The following GRM1 variants were observed in gnomAD, a reference collection of about 807,000 sequenced individuals.
GRM1 encodes glutamate metabotropic receptor 1, also known as metabotropic glutamate receptor 1.
GRM1 carries 33 observed loss-of-function variants against 90.9 expected under a neutral mutation model. That is an observed-to-expected ratio of 0.36 (90% confidence interval 0.28 to 0.49). GRM1 has a LOEUF of 0.49. Among genes scored for constraint, GRM1 ranks in the 20% least tolerant of loss-of-function variants. The pLI, the probability that GRM1 is intolerant of heterozygous loss-of-function variation, is 0.99. For synonymous variants in GRM1, 700 were observed against 613.2 expected (o/e 1.14, Z -2.09); for missense variants, 1,190 against 1,534.3 (o/e 0.78, Z 3.75).
At chr6:146,136,721 T>C (rs1776634207) in intron 1 of GRM1, among the ~76,000 whole-genome samples, 1 of 152,154 alleles carries the variant, frequency 6.6e-6, no homozygotes, top group Non-Finnish European at 1.5e-5. Flanking sequence ...GATAAAGAAA[T>C]TCAGTAAAGT....
intron 3 of GRM1, among the ~76,000 whole-genome samples, chr6:146,335,007 T>C (rs1045297587): frequency 1.3e-5 from 2 of 152,154 alleles, no homozygotes; most frequent in African/African-American, 2.4e-5. Flanking sequence ...TGAGAAAAAA[T>C]TATCCATTAT....
At chr6:146,065,707 A>G (rs1197591989) in intron 1 of GRM1, among the ~76,000 whole-genome samples, 1 of 152,242 alleles carries the variant, frequency 6.6e-6, no homozygotes, top group African/African-American at 2.4e-5. Flanking sequence ...AGATTTTCAA[A>G]GTAAAAGAAG....
upstream of GRM1, chr6:146,027,880 C>T (rs1019436336): frequency 6.6e-6 from 1 of 152,548 alleles, no homozygotes; most frequent in Admixed American, 6.5e-5. Context: ...AGACAAAGTC[C>T]CAGTCTATCA....
chr6:146,248,300 T>C (rs1397060399), intron 2 of GRM1, among the ~76,000 whole-genome samples: 2 of 152,168 alleles, frequency 1.3e-5, no homozygotes, highest in South Asian at 2.1e-4. Context: ...GATAGGTGGA[T>C]TGGATTGTGA....
chr6:146,044,924 C>G (rs1436970983), intron 1 of GRM1, among the ~76,000 whole-genome samples: 2 of 151,872 alleles, frequency 1.3e-5, no homozygotes, highest in African/African-American at 2.4e-5. Context: ...TACAAATCAC[C>G]TGGGGAGCTT....
At chr6:146,285,267 G>A (rs1031797910) in intron 2 of GRM1, among the ~76,000 whole-genome samples, 7 of 152,094 alleles carry the variant, frequency 4.6e-5, no homozygotes, top group Non-Finnish European at 2.9e-5. Flanking sequence ...TAACATCACT[G>A]CTATCCACCT....
chr6:146,153,631 G>C (rs1247252033), intron 1 of GRM1, among the ~76,000 whole-genome samples: 1 of 152,176 alleles, frequency 6.6e-6, no homozygotes, highest in Non-Finnish European at 1.5e-5. Flanking sequence ...ACTAGGGCCT[G>C]TCATGGGAAG....
rs1324277052 is a variant in GRM1 at position 146,396,093 on chromosome 6, T to TATCTATCTATCTATCTATCTATC, written c.1730-2665_1730-2664insTATCTATCTATCATCTATCTATC. On this transcript the variant is annotated intron_variant, in intron 6 of 7. Coordinates refer to ENST00000282753, the MANE Select transcript of GRM1 (RefSeq NM_001278064.2). Reference sequence around the variant, plus strand: ...TCATCTATCTATCTATCTATCTATCTATCTATCTATCGTCTATATATATAT... The same window carrying TATCTATCTATCTATCTATCTATC: ...TCATCTATCTATCTATCTATCTATCTATCTATCTATCTATCTATCTATCATCTATCTATCGTCTATATATATAT... Among the ~76,000 whole-genome samples, 914 of 152,018 alleles carry TATCTATCTATCTATCTATCTATC rather than the reference T, an allele frequency of 6.0e-3. 8 individuals carry two copies. Among genetic ancestry groups the TATCTATCTATCTATCTATCTATC allele is most frequent in the African/African-American group, 0.02 (822 of 41,436 alleles).
At chr6:146,304,581 T>C (rs1294749358) in intron 2 of GRM1, 30 bp from the exon 3 acceptor site, 3 of 1,422,168 alleles carry the variant, frequency 2.1e-6, no homozygotes, top group Non-Finnish European at 3.0e-6. Context: ...TGTCTTTCTC[T>C]CTCCCTACCC....
intron 1 of GRM1, among the ~76,000 whole-genome samples, chr6:146,054,015 AAC>A (rs1775392729): frequency 6.6e-6 from 1 of 152,116 alleles, no homozygotes; most frequent in Non-Finnish European, 1.5e-5. Flanking sequence ...AATTAAATCC[AAC>A]AGTTATTGAC....
intron 7 of GRM1, among the ~76,000 whole-genome samples, chr6:146,422,066 G>A (rs1778015864): frequency 6.6e-6 from 1 of 152,110 alleles, no homozygotes; most frequent in South Asian, 2.1e-4. Flanking sequence ...GACAGCTGCT[G>A]CATTATTATT....
chr6:146,213,497 A>G (rs1779749998), intron 2 of GRM1, among the ~76,000 whole-genome samples: 1 of 152,166 alleles, frequency 6.6e-6, no homozygotes, highest in Non-Finnish European at 1.5e-5. Context: ...AAGGTAATGG[A>G]TGTTTCAATT....
chr6:146,252,801 T>A (rs1781343742), intron 2 of GRM1, among the ~76,000 whole-genome samples: 1 of 151,770 alleles, frequency 6.6e-6, no homozygotes, highest in Non-Finnish European at 1.5e-5. Flanking sequence ...GTGGCTCACA[T>A]CTGTAATCCC....
chr6:146,342,707 G>A (rs937893395), intron 3 of GRM1, among the ~76,000 whole-genome samples: 1 of 152,192 alleles, frequency 6.6e-6, no homozygotes, highest in Non-Finnish European at 1.5e-5. Context: ...CTATCACAGA[G>A]CAAACCTTTA....
At chr6:146,125,267 A>G (rs1776153605) in intron 1 of GRM1, among the ~76,000 whole-genome samples, 1 of 152,190 alleles carries the variant, frequency 6.6e-6, no homozygotes, top group South Asian at 2.1e-4. Flanking sequence ...CAACTGTAAC[A>G]ATTAAACATA....
intron 2 of GRM1, among the ~76,000 whole-genome samples, chr6:146,217,869 T>C (rs574904184): frequency 1.3e-5 from 2 of 152,286 alleles, no homozygotes; most frequent in African/African-American, 2.4e-5. Flanking sequence ...GAGGCTTATC[T>C]TGAAGGAAGA....
chr6:146,054,946 G>C (rs868063212), intron 1 of GRM1, among the ~76,000 whole-genome samples: 52 of 152,030 alleles, frequency 3.4e-4, no homozygotes, highest in Middle Eastern at 6.8e-3. Context: ...GCAAGTGATG[G>C]GTGCGGGTAA....
At chr6:146,293,282 A>C (rs1783057076) in intron 2 of GRM1, among the ~76,000 whole-genome samples, 1 of 152,038 alleles carries the variant, frequency 6.6e-6, no homozygotes, top group South Asian at 2.1e-4. Context: ...ATTTCACCTT[A>C]AGTTTTAAAA....
In GRM1 at chr6:146,374,476, A is replaced by G. The variant is rs1162817497; in HGVS notation, c.1603-12414A>G. Among the ~76,000 whole-genome samples the G allele has an allele frequency of 3.3e-5, 5 of 152,182 alleles. No homozygotes were observed. In the East Asian group the frequency reaches 9.6e-4, roughly 29 times the overall value. On this transcript the variant is annotated intron_variant, in intron 5 of 7. Transcript: ENST00000282753. ...TTTCTTTAAATGCTTGATAGAAATC[A>G]GCAGAGAAGCAAACAGGTCCCTGGC... is the stretch of plus-strand genomic sequence containing the variant.
Sources: gnomAD v4.1 joint callset for allele counts (sites outside exome capture counted in the v4.1 genomes callset) on GRCh38, gnomAD v4.1.1 for gene constraint, MANE v1.5 for transcripts, NCBI Gene and HGNC (gene_info 2026-07-23, HGNC 2026-07-21) for gene names.